TSPAN17: variants seen among roughly 807,000 people sequenced by gnomAD.
TSPAN17 encodes tetraspanin 17, also known as tetraspanin-17.
A neutral mutation model predicts 40.5 loss-of-function variants in TSPAN17; 33 were observed. The observed-to-expected ratio is 0.81, with a 90% CI of 0.62 to 1.09. The LOEUF is 1.09. Among genes scored for constraint, TSPAN17 ranks in the 50% least tolerant of loss-of-function variants. The probability of loss-of-function intolerance (pLI) is 0.00; values close to 1 mark genes in which losing one functional copy is unlikely to be tolerated. For missense variants in TSPAN17, 365 were observed against 416.8 expected (o/e 0.88, Z 1.08); for synonymous variants, 166 against 169.4 (o/e 0.98, Z 0.15).
chr5:176,649,892 T>C (rs1322145415), intron 1 of TSPAN17, among the ~76,000 whole-genome samples: 2 of 152,228 alleles, frequency 1.3e-5, no homozygotes, highest in Non-Finnish European at 2.9e-5. Flanking sequence ...TCCCTCTTGC[T>C]CTTTTCATCA....
At chr5:176,656,022 A>C in intron 5 of TSPAN17, 56 bp from the exon 6 acceptor site, 2 of 1,554,588 alleles carry the variant, frequency 1.3e-6, no homozygotes, top group Non-Finnish European at 8.9e-7. Flanking sequence ...CCCAGGTACC[A>C]TGGACCCCAT....
chr5:176,654,731 G>A lies in TSPAN17; in HGVS notation c.457-164G>A, dbSNP rs2113472662. 1.4e-5 allele frequency: 11 copies of A among 805,480 alleles called. No homozygotes were observed. The South Asian group carries it at 1.8e-4, about 13-fold the overall frequency. The allele number at this position is 805,480 out of a possible 1,614,324, so 49.9% of individuals were successfully genotyped here. On this transcript the variant is annotated intron_variant, in intron 4 of 8. Transcript: ENST00000508164. The surrounding 1 kb of genome is among the most constrained non-coding windows in gnomAD (Gnocchi z 4.3). ...GCACCCCTCTGCCTCCACCAGCCTG[G>A]AGGTTGGGCCCAGGCCTGTGGGGGT...
chr5:176,656,006 G>T (rs1277258291), intron 5 of TSPAN17, 72 bp from the exon 6 acceptor site: 2 of 1,447,660 alleles, frequency 1.4e-6, no homozygotes, highest in Non-Finnish European at 1.9e-6. Flanking sequence ...AAAAGCCACC[G>T]CACTGCCCAG....
In TSPAN17 at chr5:176,657,941, AC is replaced by A. The variant is rs1190938130; in HGVS notation, c.*245del. On this transcript the variant is annotated 3_prime_UTR_variant, in exon 9 of 9. Transcript: ENST00000508164. ...GGCCAATCTGGAGTGAAACACGGGG[AC>A]CTGAAGGATGGAGAGGCTGGACCCC... 5.2e-6 allele frequency: 3 copies of A among 579,502 alleles called. No homozygotes were observed. The African/African-American group carries it at 5.8e-5, about 11-fold the overall frequency. 35.9% of individuals were successfully genotyped at this position (579,502 alleles called of 1,614,324 possible).
rs1760965503 is a variant in TSPAN17, at chr5:176,651,600, G to T, written c.88-16G>T. On this transcript the variant is annotated splice_polypyrimidine_tract_variant and intron_variant, in intron 1 of 8. Coordinates refer to ENST00000508164, the MANE Select transcript of TSPAN17 (RefSeq NM_130465.5). This position sits in a 1 kb window ranked among gnomAD's most constrained non-coding sequence, Gnocchi z 4.5. ...GGCTGCTCCCAGCCCTGAGCTCTTT[G>T]TTGCTGCCCTTGCAGGTGCTGGGAG... 3 of 1,610,392 alleles carry T rather than the reference G, an allele frequency of 1.9e-6. No homozygotes were observed. In the South Asian group the frequency reaches 3.3e-5, roughly 18 times the overall value.
chr5:176,656,857 C>A (rs201230552), intron 7 of TSPAN17, 38 bp from the exon 8 acceptor site: 6 of 1,614,152 alleles, frequency 3.7e-6, no homozygotes, highest in Non-Finnish European at 5.1e-6. Flanking sequence ...TTGCCGGGGC[C>A]GCCCTCACTC....
chr5:176,653,086 A>AT (rs1761032847), intron 4 of TSPAN17, 173 bp downstream of exon 4: 1 of 647,464 alleles, frequency 1.5e-6, no homozygotes, highest in Non-Finnish European at 2.6e-6. Context: ...GCTGATCCTT[A>AT]TGGGTCCCCA....
chr5:176,648,566 C>T (rs1220140809), intron 1 of TSPAN17, among the ~76,000 whole-genome samples: 5 of 152,214 alleles, frequency 3.3e-5, no homozygotes, highest in Admixed American at 6.5e-5. Flanking sequence ...AGTGGCACTG[C>T]CCCCCACCCA....
Position 176,657,747 on chromosome 5 carries a change from C to T in TSPAN17, c.*49C>T. 1.3e-6 allele frequency: 2 copies of T among 1,524,678 alleles called. No individual in the cohort carries two copies. The highest frequency in any genetic ancestry group is 1.8e-6 in the Non-Finnish European group (2 of 1,140,526). 94.4% of individuals were successfully genotyped at this position (1,524,678 alleles called of 1,614,324 possible). A position where few individuals can be genotyped will look rare whatever the true frequency, so the allele number is the denominator to read the frequency against. ...ACAGCTTCTCTTGAAGAATGACCACCTGGCTACGCCGGCTCTTCGGTGGCA... is the reference window on the plus strand; with the variant it reads ...ACAGCTTCTCTTGAAGAATGACCACTTGGCTACGCCGGCTCTTCGGTGGCA... On this transcript the variant is annotated 3_prime_UTR_variant, in exon 9 of 9. Coordinates refer to ENST00000508164, the MANE Select transcript of TSPAN17 (RefSeq NM_130465.5).
At chr5:176,649,513 C>T (rs565937972) in intron 1 of TSPAN17, among the ~76,000 whole-genome samples, 4 of 151,958 alleles carry the variant, frequency 2.6e-5, no homozygotes, top group East Asian at 1.9e-4. Context: ...CTGCAACCTC[C>T]GTCTCCCAGG....
rs139839517 is a variant in TSPAN17, at chr5:176,657,585, G to T, written c.877G>T (p.Ala293Ser). ...TPTISEVLST[A>S]GPQQNSLTGA... ...CACCATTTCCGAGGTCCTGTCCACG[G>T]CGGGGCCTCAGCAGAACTCTCTGAC... The change falls in exon 9 of 9, where the codon GCG becomes TCG. Residue 293 changes from alanine to serine, a missense_variant. Transcript: ENST00000508164. 40 of 1,613,726 alleles carry T rather than the reference G, an allele frequency of 2.5e-5. No individual in the cohort carries two copies. The African/African-American group carries it at 4.0e-4, about 16-fold the overall frequency.
In TSPAN17 at chr5:176,654,674, C is replaced by T. The variant is rs757448911; in HGVS notation, c.457-221C>T. ...TCCCTTTTTCTAGCCTCTCTTGGGT[C>T]GGGGAAGGGGGAGCTCAGTGTCCCC... is the stretch of plus-strand genomic sequence containing the variant. On this transcript the variant is annotated intron_variant, in intron 4 of 8. Transcript: ENST00000508164. This position sits in a 1 kb window ranked among gnomAD's most constrained non-coding sequence, Gnocchi z 4.3. 22 of 551,748 alleles carry T rather than the reference C, an allele frequency of 4.0e-5. No homozygotes were observed. In the East Asian group the frequency reaches 5.0e-4, roughly 13 times the overall value. The allele number at this position is 551,748 out of a possible 1,614,324, so 34.2% of individuals were successfully genotyped here. A position where few individuals can be genotyped will look rare whatever the true frequency, so the allele number is the denominator to read the frequency against.
rs758848372 is a variant in TSPAN17 at position 176,647,667 on chromosome 5, A to C, written c.52A>C (p.Lys18Gln). 10 of 1,603,752 alleles carry C rather than the reference A, an allele frequency of 6.2e-6. No individual in the cohort carries two copies. In the Admixed American group the frequency reaches 1.0e-4, roughly 16 times the overall value. The change falls in exon 1 of 9, where the codon AAA becomes CAA. Residue 18 changes from lysine to glutamine, a missense_variant. Physicochemically the swap from Lys to Gln is moderately conservative, Grantham distance 53 (BLOSUM62 1). Transcript: ENST00000508164. ...FQEPEVGCCG[K>Q]YFLFGFNIVF... ...GGAACCTGAGGTCGGCTGCTGCGGG[A>C]AATACTTCCTGTTTGGCTTCAACAT... is the stretch of plus-strand genomic sequence containing the variant.
Position 176,654,783 on chromosome 5 carries a change from C to T in TSPAN17, c.457-112C>T. ...GGGAGGTGGCCACCCACTTGGCTGT[C>T]CCAGCCCTGTCCCAGACAGCCCTGT... is the stretch of plus-strand genomic sequence containing the variant. On this transcript the variant is annotated intron_variant, in intron 4 of 8. Coordinates refer to ENST00000508164, the MANE Select transcript of TSPAN17 (RefSeq NM_130465.5). This position sits in a 1 kb window ranked among gnomAD's most constrained non-coding sequence, Gnocchi z 4.3. 1 of 1,416,306 alleles carries T rather than the reference C, an allele frequency of 7.1e-7. No individual in the cohort carries two copies. Among genetic ancestry groups the T allele is most frequent in the Non-Finnish European group, 9.5e-7 (1 of 1,049,528 alleles). The allele number at this position is 1,416,306 out of a possible 1,614,324, so 87.7% of individuals were successfully genotyped here.
chr5:176,655,586 G>A (rs576347456), intron 5 of TSPAN17, among the ~76,000 whole-genome samples: 3 of 152,242 alleles, frequency 2.0e-5, no homozygotes, highest in South Asian at 2.1e-4. Flanking sequence ...ATTCCTGAAC[G>A]GAGGCAGGTC....
intron 1 of TSPAN17, among the ~76,000 whole-genome samples, chr5:176,649,935 C>T (rs1295415316): frequency 2.0e-5 from 3 of 152,228 alleles, no homozygotes; most frequent in Non-Finnish European, 2.9e-5. Context: ...CCCACCCTCC[C>T]TTCTGCCCTC....
Position 176,656,881 on chromosome 5 carries a change from C to T in TSPAN17, c.748-14C>T. On this transcript the variant is annotated splice_polypyrimidine_tract_variant and intron_variant, in intron 7 of 8. Coordinates refer to ENST00000508164, the MANE Select transcript of TSPAN17 (RefSeq NM_130465.5). ...CCGCCCTCACTCTCCCCTCACCTGT[C>T]CTCTGTCTTACAGATCTTTGGCATC... The T allele has an allele frequency of 1.2e-6, 2 of 1,614,234 alleles. No homozygotes were observed. The highest frequency in any genetic ancestry group is 1.7e-6 in the Non-Finnish European group (2 of 1,180,046).
chr5:176,648,217 A>T (rs1474750873), intron 1 of TSPAN17, among the ~76,000 whole-genome samples: 1 of 151,906 alleles, frequency 6.6e-6, no homozygotes, highest in Non-Finnish European at 1.5e-5. Flanking sequence ...TCCTCTGCCC[A>T]CCCCAGTCCC....
Position 176,658,826 on chromosome 5 carries a change from AC to A in TSPAN17, c.*1131del, listed in dbSNP as rs1232244146. 1.3e-5 allele frequency: 2 copies of A among 152,276 alleles called. No individual in the cohort carries two copies. Among genetic ancestry groups the A allele is most frequent in the African/African-American group, 2.4e-5 (1 of 41,474 alleles). The allele number at this position is 152,276 out of a possible 1,614,324, so 9.4% of individuals were successfully genotyped here. ...ATCTGCAGGCCAAACAAGGTGCAGG[AC>A]CCAGCTTTGGCCCCATGCCCCTGTA... On this transcript the variant is annotated 3_prime_UTR_variant, in exon 9 of 9. Transcript: ENST00000508164.
Sources: allele counts gnomAD v4.1 joint callset (sites outside exome capture counted in the v4.1 genomes callset), GRCh38; gene constraint gnomAD v4.1.1; non-coding constraint Gnocchi (gnomAD v3.1); transcripts MANE v1.5; gene names NCBI Gene and HGNC (gene_info 2026-07-23, HGNC 2026-07-21).